The following ZNF679 variants were observed in gnomAD, a reference collection of about 807,000 sequenced individuals.
ZNF679 encodes the protein zinc finger protein 679, also known as hypothetical protein MGC42415.
A neutral mutation model predicts 13.4 loss-of-function variants in ZNF679; 10 were observed. The observed-to-expected ratio is 0.75, with a 90% CI of 0.46 to 1.27. The LOEUF is 1.27. Among genes scored for constraint, ZNF679 ranks in the 50% most tolerant of loss-of-function variants. The probability of loss-of-function intolerance (pLI) is 0.00; values close to 1 mark genes in which losing one functional copy is unlikely to be tolerated. For missense variants in ZNF679, 525 were observed against 477.8 expected, an observed-to-expected ratio of 1.10 and a Z score of -0.92; for synonymous variants, 179 against 162.5, an observed-to-expected ratio of 1.10 and a Z score of -0.77.
At chr7:64,262,706 G>T (rs758737299) in intron 4 of ZNF679, among the ~76,000 whole-genome samples, 1 of 152,070 alleles carries the variant, frequency 6.6e-6, no homozygotes, top group Non-Finnish European at 1.5e-5. Context: ...CATAGTCATT[G>T]TTATTGTTGC....
intron 2 of ZNF679, among the ~76,000 whole-genome samples, chr7:64,256,137 T>G (rs1788002322): frequency 6.6e-6 from 1 of 152,284 alleles, no homozygotes; most frequent in African/African-American, 2.4e-5. Context: ...TTCTCATTAT[T>G]TTGCTCCCAT....
intron 1 of ZNF679, among the ~76,000 whole-genome samples, chr7:64,238,571 A>G (rs1787756245): frequency 6.6e-6 from 1 of 152,116 alleles, no homozygotes; most frequent in East Asian, 1.9e-4. Flanking sequence ...TATTGTTAGT[A>G]GAGACAGGGT....
chr7:64,232,701 C>T (rs1787656096), intron 1 of ZNF679, among the ~76,000 whole-genome samples: 1 of 152,106 alleles, frequency 6.6e-6, no homozygotes. Flanking sequence ...TTTTCACAAT[C>T]CCCTTTGTAA....
intron 4 of ZNF679, among the ~76,000 whole-genome samples, chr7:64,263,116 G>T (rs566034619): frequency 6.6e-6 from 1 of 152,020 alleles, no homozygotes; most frequent in Non-Finnish European, 1.5e-5. Context: ...TTTACACGGG[G>T]TTTCTCACTC....
rs1562840403 is a variant in ZNF679, at chr7:64,236,983, GAA to G, written c.-91+8333_-91+8334del. The stretch of plus-strand genomic sequence containing the variant: ...AAAGAAAGAAAGAAAGAAAAAGAAA[GAA>G]AGAAAGAAAGAAAGAAAAAGAAAGA... On this transcript the variant is annotated intron_variant, in intron 1 of 4. Transcript: ENST00000421025. 1.2e-3 allele frequency among the ~76,000 whole-genome samples: 80 copies of G among 65,548 alleles called. 1 individual carries two copies. Among genetic ancestry groups the G allele is most frequent in the East Asian group, 8.3e-3 (19 of 2,290 alleles). The allele number at this position is 65,548 out of a possible 152,430, so 43.0% of individuals were successfully genotyped here.
chr7:64,252,385 G>A (rs1354640190), intron 2 of ZNF679, among the ~76,000 whole-genome samples: 2 of 152,168 alleles, frequency 1.3e-5, no homozygotes, highest in Admixed American at 6.5e-5. Flanking sequence ...TGAAAGAGAT[G>A]AGTTTCAGAA....
intron 1 of ZNF679, among the ~76,000 whole-genome samples, chr7:64,234,755 A>G (rs908912128): frequency 2.0e-5 from 3 of 152,192 alleles, no homozygotes; most frequent in African/African-American, 7.2e-5. Context: ...GGGACTTGTT[A>G]TGGAGCAATA....
In ZNF679 at chr7:64,266,071, A is replaced by G. The variant is rs552739484; in HGVS notation, c.438A>G (p.Gln146=). 1 of 1,613,362 alleles carries G rather than the reference A, an allele frequency of 6.2e-7. No homozygotes were observed. The highest frequency in any genetic ancestry group is 1.1e-5 in the South Asian group (1 of 91,048). The change falls in exon 5 of 5, where the codon CAA becomes CAG. Residue 146 remains glutamine, a synonymous_variant. Coordinates refer to ENST00000421025, the MANE Select transcript of ZNF679 (RefSeq NM_153363.3). ...VQKGGCNEVN[Q]CLSTTQNKIF... is the part of the protein sequence containing the mutation. ...AAGGAGGTTGTAATGAAGTTAACCA[A>G]TGTTTGTCAACTACCCAAAACAAAA...
intron 1 of ZNF679, among the ~76,000 whole-genome samples, chr7:64,237,001 A>AG (rs1554369181): frequency 2.6e-5 from 2 of 77,844 alleles, no homozygotes; most frequent in African/African-American, 1.6e-4. Context: ...GAAAGAAAGA[A>AG]AAAGAAAGAA....
intron 2 of ZNF679, among the ~76,000 whole-genome samples, chr7:64,252,124 C>T (rs147937921): frequency 1.3e-3 from 204 of 152,286 alleles, no homozygotes; most frequent in African/African-American, 4.5e-3. Flanking sequence ...CACCAAGGCA[C>T]GGTGCAGTGT....
intron 2 of ZNF679, among the ~76,000 whole-genome samples, chr7:64,251,019 T>C (rs916802955): frequency 5.3e-5 from 8 of 152,004 alleles, no homozygotes; most frequent in African/African-American, 1.4e-4. Context: ...ACTCACATTA[T>C]TACCTATTTG....
At chr7:64,261,753 A>G (rs1788079944) in intron 4 of ZNF679, among the ~76,000 whole-genome samples, 1 of 150,782 alleles carries the variant, frequency 6.6e-6, no homozygotes, top group Admixed American at 6.6e-5. Flanking sequence ...TTTGTTTTGC[A>G]TTTTTCTATA....
intron 2 of ZNF679, 124 bp downstream of exon 2, chr7:64,249,280 T>C: frequency 6.6e-7 from 1 of 1,509,840 alleles, no homozygotes; most frequent in Non-Finnish European, 9.1e-7. Context: ...CAAATCCTCC[T>C]TGGCCCAGGT....
chr7:64,252,967 C>G (rs892093999), intron 2 of ZNF679, among the ~76,000 whole-genome samples: 12 of 152,208 alleles, frequency 7.9e-5, no homozygotes, highest in African/African-American at 2.7e-4. Context: ...ATCCAGCCAC[C>G]TGGGCCTCTC....
At chr7:64,243,327 A>G (rs1787822349) in intron 1 of ZNF679, among the ~76,000 whole-genome samples, 2 of 152,256 alleles carry the variant, frequency 1.3e-5, no homozygotes, top group Non-Finnish European at 1.5e-5. Flanking sequence ...AGTCCCATCA[A>G]CTAGGTGCTG....
chr7:64,246,190 G>A (rs762494243), intron 1 of ZNF679, among the ~76,000 whole-genome samples: 9 of 152,092 alleles, frequency 5.9e-5, no homozygotes, highest in Admixed American at 1.3e-4. Context: ...TATTAAAAGG[G>A]ACCTTTTATC....
chr7:64,260,309 A>G lies in ZNF679; in HGVS notation c.128A>G (p.Asp43Gly), dbSNP rs748993684. Residue 43 changes from aspartate (D) to glycine (G), a missense_variant, in exon 3 of 5, where the codon GAT becomes GGT. By Grantham distance (94) the Asp-to-Gly change is moderately conservative. Coordinates refer to ENST00000421025, the MANE Select transcript of ZNF679 (RefSeq NM_153363.3). Reference protein sequence around the residue: ...LDHAQQNLYRDVMLENYRNLV... With the variant: ...LDHAQQNLYRGVMLENYRNLV... Reference sequence around the variant, plus strand: ...CACGCTCAGCAGAATTTATATAGAGATGTGATGTTAGAGAACTACAGAAAC... The same window carrying G: ...CACGCTCAGCAGAATTTATATAGAGGTGTGATGTTAGAGAACTACAGAAAC... The G allele has an allele frequency of 1.2e-6, 2 of 1,612,732 alleles. No homozygotes were observed. The highest frequency in any genetic ancestry group is 1.7e-6 in the Non-Finnish European group (2 of 1,179,584).
intron 1 of ZNF679, among the ~76,000 whole-genome samples, chr7:64,246,579 T>C (rs747077473): frequency 2.0e-4 from 30 of 152,074 alleles, no homozygotes; most frequent in Middle Eastern, 3.4e-3. Flanking sequence ...AAAAATTAGC[T>C]GGGCATGGTG....
Position 64,249,089 on chromosome 7 carries a change from C to G in ZNF679, c.-29C>G, listed in dbSNP as rs144272859. Reference sequence around the variant, plus strand: ...GTTCCTAGAGGCCAAGCCACTGTGGCCTTGTGTTCTGCAGGTATCCGCAGA... The same window carrying G: ...GTTCCTAGAGGCCAAGCCACTGTGGGCTTGTGTTCTGCAGGTATCCGCAGA... On this transcript the variant is annotated 5_prime_UTR_variant, in exon 2 of 5. Coordinates refer to ENST00000421025, the MANE Select transcript of ZNF679 (RefSeq NM_153363.3). 1.2e-6 allele frequency: 2 copies of G among 1,614,024 alleles called. No individual in the cohort carries two copies. The highest frequency in any genetic ancestry group is 4.5e-5 in the East Asian group (2 of 44,852).
Sources: gnomAD v4.1 joint callset for allele counts (sites outside exome capture counted in the v4.1 genomes callset) on GRCh38, gnomAD v4.1.1 for gene constraint, MANE v1.5 for transcripts, NCBI Gene and HGNC (gene_info 2026-07-23, HGNC 2026-07-21) for gene names.